Variants in LAMA5 observed in about 807,000 individuals in gnomAD.
The protein encoded by LAMA5 is laminin subunit alpha-5.
Under a neutral mutation model 433.4 loss-of-function variants are expected in LAMA5, and 260 were observed. The observed-to-expected ratio is 0.60, with a 90% CI of 0.54 to 0.66. LAMA5 has a LOEUF of 0.66. Among genes scored for constraint, LAMA5 ranks in the 30% least tolerant of loss-of-function variants. The pLI is 0.00. For synonymous variants in LAMA5, 2,620 were observed against 2,226.6 expected (o/e 1.18, Z -4.97); for missense variants, 5,378 against 5,258.5 (o/e 1.02, Z -0.70).
At chr20:62,352,600 C>T (rs1305774847) in intron 3 of LAMA5, among the ~76,000 whole-genome samples, 1 of 152,132 alleles carries the variant, frequency 6.6e-6, no homozygotes, top group Non-Finnish European at 1.5e-5. Flanking sequence ...ACCATCCTCA[C>T]CCCCTTCCTT....
chr20:62,338,583 G>A lies in LAMA5; in HGVS notation c.1503C>T (p.Thr501=). The change falls in exon 12 of 80, where the codon ACC becomes ACT. Residue 501 remains threonine (T), a synonymous_variant. Coordinates refer to ENST00000252999, the MANE Select transcript of LAMA5 (RefSeq NM_005560.6). ...GGTCCTTCCGGCAGGCGTTGCCCTG[G>A]GTCCCTGCCGCGCTGCAGTCACAAT... The part of the protein sequence containing the change: ...IVNCDCSAAG[T]QGNACRKDPR... 2 of 1,610,786 alleles carry A rather than the reference G, an allele frequency of 1.2e-6. No homozygotes were observed. The highest frequency in any genetic ancestry group is 1.7e-6 in the Non-Finnish European group (2 of 1,179,484).
chr20:62,334,898 C>A, intron 20 of LAMA5, 123 bp downstream of exon 20: 1 of 901,476 alleles, frequency 1.1e-6, no homozygotes, highest in Non-Finnish European at 1.7e-6. Context: ...CACCAAGGGG[C>A]AGCCATCCAT....
At chr20:62,342,550 G>A (rs886473914) in intron 11 of LAMA5, among the ~76,000 whole-genome samples, 3 of 151,954 alleles carry the variant, frequency 2.0e-5, no homozygotes, top group Admixed American at 2.0e-4. Flanking sequence ...GTGGTGGCGG[G>A]CACCTGTAGT....
chr20:62,327,524 C>G lies in LAMA5; in HGVS notation c.4938+5G>C. The G allele has an allele frequency of 6.2e-7, 1 of 1,612,858 alleles. No homozygotes were observed. The highest frequency in any genetic ancestry group is 1.1e-5 in the South Asian group (1 of 91,076). ...AAGGCAATGCCCTCAGTCCTGCAGGCGCACCTCCTGGCGGGTGTAGGACGA... is the reference window on the plus strand; with the variant it reads ...AAGGCAATGCCCTCAGTCCTGCAGGGGCACCTCCTGGCGGGTGTAGGACGA... On this transcript the variant is annotated splice_donor_5th_base_variant and intron_variant, in intron 37 of 79. Coordinates refer to ENST00000252999, the MANE Select transcript of LAMA5 (RefSeq NM_005560.6).
At chr20:62,353,431 C>T (rs1984679412) in intron 2 of LAMA5, 180 bp from the exon 3 acceptor site, 1 of 523,584 alleles carries the variant, frequency 1.9e-6, no homozygotes, top group African/African-American at 2.0e-5. Context: ...AGAGGGCTCC[C>T]CAGGGATGGA....
At chr20:62,363,761 T>A (rs1986418773) in intron 1 of LAMA5, among the ~76,000 whole-genome samples, 1 of 151,996 alleles carries the variant, frequency 6.6e-6, no homozygotes, top group African/African-American at 2.4e-5. Context: ...AGGCAGGAGC[T>A]GGGGAGATGC....
At chr20:62,325,766 T>C (rs753561520) in intron 40 of LAMA5, among the ~76,000 whole-genome samples, 4 of 152,102 alleles carry the variant, frequency 2.6e-5, no homozygotes, top group Non-Finnish European at 5.9e-5. Context: ...GCCTTAAGAA[T>C]TGAAATACAC....
intron 41 of LAMA5, 170 bp downstream of exon 41, chr20:62,325,146 A>ACAGG (rs1979052728): frequency 2.1e-6 from 1 of 474,390 alleles, no homozygotes. Context: ...GCAGCAGGGG[A>ACAGG]CAGGCAGGCC....
intron 2 of LAMA5, among the ~76,000 whole-genome samples, chr20:62,360,626 A>G (rs1246063030): frequency 3.1e-5 from 1 of 32,254 alleles, no homozygotes; most frequent in Non-Finnish European, 5.9e-5. Flanking sequence ...GGGTGGGTGG[A>G]GGGATAGATG....
Position 62,313,430 on chromosome 20 carries a change from G to C in LAMA5, c.8689C>G (p.Arg2897Gly). 1 of 1,610,370 alleles carries C rather than the reference G, an allele frequency of 6.2e-7. No homozygotes were observed. The highest frequency in any genetic ancestry group is 8.5e-7 in the Non-Finnish European group (1 of 1,178,998). ...AGCGTGTCCATCTCGATGCAGCCCC[G>C]GTAGCCGGGGAAGCGAAGCAGGGGA... ...PPPLLRFPGY[R>G]GCIEMDTLNE... The change falls in exon 64 of 80, where the codon CGG becomes GGG. Residue 2897 changes from arginine to glycine, a missense_variant. By Grantham distance (125) the Arg-to-Gly change is moderately radical. Coordinates refer to ENST00000252999, the MANE Select transcript of LAMA5 (RefSeq NM_005560.6).
At chr20:62,310,341 A>AG (rs746325128) in intron 76 of LAMA5, 30 bp from the exon 77 acceptor site, 22 of 1,577,500 alleles carry the variant, frequency 1.4e-5, no homozygotes, top group African/African-American at 1.3e-4. Flanking sequence ...TGGAGAAGAA[A>AG]GGGGGGGCCC....
chr20:62,364,701 A>AC (rs1986527814), intron 1 of LAMA5, among the ~76,000 whole-genome samples: 2 of 152,108 alleles, frequency 1.3e-5, no homozygotes, highest in Admixed American at 1.3e-4. Flanking sequence ...CCTGATGCCC[A>AC]CCTGGGGCTG....
At position 62,315,103 on chromosome 20, in the gene LAMA5, C is replaced by T. The variant is rs1277657189; in HGVS notation, c.7972G>A (p.Glu2658Lys). 1 of 1,607,096 alleles carries T rather than the reference C, an allele frequency of 6.2e-7. No individual in the cohort carries two copies. Among genetic ancestry groups the T allele is most frequent in the South Asian group, 1.1e-5 (1 of 91,048 alleles). The stretch of plus-strand genomic sequence containing the variant: ...CCCTCGTACTGGCCCTGCCACCGCT[C>T]CACATTCTCCTGCATGGCCTGCAGC... ...SQLQAMQENV[E>K]RWQGQYEGLR... The change falls in exon 59 of 80, where the codon GAG (glutamate) becomes AAG (lysine). Residue 2658 changes from glutamate (E) to lysine (K), a missense_variant. By Grantham distance (56) the Glu-to-Lys change is moderately conservative (BLOSUM62 1). Transcript: ENST00000252999.
At chr20:62,320,318 C>CA (rs60260941) in intron 50 of LAMA5, among the ~76,000 whole-genome samples, 18,820 of 51,102 alleles carry the variant, frequency 0.37, 3,567 homozygotes, top group East Asian at 0.65. Context: ...AACTGTGTCT[C>CA]AAAAAAAAAA....
At position 62,325,096 on chromosome 20, in the gene LAMA5, G is replaced by A. The variant is rs117927380; in HGVS notation, c.5529+220C>T. The A allele has an allele frequency of 0.012, 3,075 of 264,688 alleles. 188 individuals carry two copies. In the Admixed American group the frequency reaches 0.14, roughly 12 times the overall value. 16.4% of individuals were successfully genotyped at this position (264,688 alleles called of 1,614,324 possible). ...AGGGTGTGTGCATGGAGGGGCAGGC[G>A]GATGAGGGGCAGGCAGGCGGACGAG... is the stretch of plus-strand genomic sequence containing the variant. On this transcript the variant is annotated intron_variant, in intron 41 of 79. Transcript: ENST00000252999.
Position 62,346,014 on chromosome 20 carries a change from C to T in LAMA5, c.1417+67G>A, listed in dbSNP as rs544626271. ...GGTCCATCCCGGGGAACCCCTCCACCCCCTGCAGGGCTCCCGGAGTCCAGC... is the reference window on the plus strand; with the variant it reads ...GGTCCATCCCGGGGAACCCCTCCACTCCCTGCAGGGCTCCCGGAGTCCAGC... On this transcript the variant is annotated intron_variant, in intron 10 of 79. Transcript: ENST00000252999. 1.9e-6 allele frequency: 3 copies of T among 1,601,402 alleles called. No homozygotes were observed. The African/African-American group carries it at 4.0e-5, about 21-fold the overall frequency.
Position 62,312,346 on chromosome 20 carries a change from G to T in LAMA5, c.9361-30C>A, listed in dbSNP as rs116057224. The T allele has an allele frequency of 4.6e-3, 7,377 of 1,603,302 alleles. 283 individuals carry two copies. The African/African-American group carries it at 0.084, about 18-fold the overall frequency. ...GGGGAGGCCATCCCTGAGTGCCCGCGGGTGCCCCTGCATGTCCACAGATGC... is the reference window on the plus strand; with the variant it reads ...GGGGAGGCCATCCCTGAGTGCCCGCTGGTGCCCCTGCATGTCCACAGATGC... On this transcript the variant is annotated intron_variant, in intron 68 of 79. Coordinates refer to ENST00000252999, the MANE Select transcript of LAMA5 (RefSeq NM_005560.6).
chr20:62,323,695 G>A lies in LAMA5; in HGVS notation c.5850-25C>T, dbSNP rs139395088. On this transcript the variant is annotated intron_variant, in intron 44 of 79. Coordinates refer to ENST00000252999, the MANE Select transcript of LAMA5 (RefSeq NM_005560.6). The stretch of plus-strand genomic sequence containing the variant: ...CCTGGGAGCAGGGTGGGGAGGGGCC[G>A]TCAGTGGCCCGTGGCGCCCACCCTC... The A allele has an allele frequency of 1.2e-4, 195 of 1,595,064 alleles. No homozygotes were observed. The East Asian group carries it at 1.9e-3, about 16-fold the overall frequency.
At position 62,320,729 on chromosome 20, in the gene LAMA5, C is replaced by T. The variant is rs559006364; in HGVS notation, c.6648+10G>A. 3.6e-5 allele frequency: 58 copies of T among 1,612,536 alleles called. No individual in the cohort carries two copies. The highest frequency in any genetic ancestry group is 2.7e-4 in the East Asian group (12 of 44,882). On this transcript the variant is annotated intron_variant, in intron 49 of 79. Coordinates refer to ENST00000252999, the MANE Select transcript of LAMA5 (RefSeq NM_005560.6). ...CCGGGTTGGGGAGGGAAGGCCAGGACGCTCAGTACCTGCAGGTCAGCGATG... is the reference window on the plus strand; with the variant it reads ...CCGGGTTGGGGAGGGAAGGCCAGGATGCTCAGTACCTGCAGGTCAGCGATG...
Sources: gnomAD v4.1 joint callset for allele counts (sites outside exome capture counted in the v4.1 genomes callset) on GRCh38, gnomAD v4.1.1 for gene constraint, MANE v1.5 for transcripts, NCBI Gene and HGNC (gene_info 2026-07-23, HGNC 2026-07-21) for gene names.